Variants in ERC2 observed in about 807,000 individuals in gnomAD.
The protein encoded by ERC2 is ELKS/RAB6-interacting/CAST family member 2, also known as ERC protein 2.
Under a neutral mutation model 114.8 loss-of-function variants are expected in ERC2, and 42 were observed. The observed-to-expected ratio is 0.37, with a 90% confidence interval of 0.29 to 0.47. The LOEUF (loss-of-function observed/expected upper bound fraction) is 0.47. Ranked by LOEUF, ERC2 falls within the 20% of genes least tolerant of loss-of-function variation. ERC2 has a pLI of 0.99. For synonymous variants in ERC2, 454 were observed against 425.5 expected (o/e 1.07, Z -0.82); for missense variants, 939 against 1,150.7 (o/e 0.82, Z 2.66).
At chr3:56,277,947 G>A (rs775464002) in intron 3 of ERC2, among the ~76,000 whole-genome samples, 2 of 152,072 alleles carry the variant, frequency 1.3e-5, no homozygotes, top group African/African-American at 4.8e-5. Context: ...CAGGACTGTT[G>A]GCCCCCTGAC....
At chr3:55,806,371 AAAG>A (rs1383803869) in intron 14 of ERC2, among the ~76,000 whole-genome samples, 2 of 151,728 alleles carry the variant, frequency 1.3e-5, no homozygotes, top group East Asian at 1.9e-4. Context: ...GAAGAAGAAG[AAAG>A]AAGAAGAAGA....
chr3:56,400,868 T>G (rs2060493917), intron 2 of ERC2, among the ~76,000 whole-genome samples: 2 of 152,160 alleles, frequency 1.3e-5, no homozygotes, highest in Non-Finnish European at 2.9e-5. Context: ...TGTTCCAAAC[T>G]TCTTTTTAAA....
At chr3:55,564,976 G>A (rs748932538) in intron 17 of ERC2, among the ~76,000 whole-genome samples, 8 of 152,180 alleles carry the variant, frequency 5.3e-5, no homozygotes, top group Non-Finnish European at 8.8e-5. Flanking sequence ...ATATGTAAAC[G>A]AACGAGTGTG....
At chr3:56,027,623 G>T (rs2074124893) in intron 7 of ERC2, among the ~76,000 whole-genome samples, 1 of 152,066 alleles carries the variant, frequency 6.6e-6, no homozygotes, top group Admixed American at 6.6e-5. Flanking sequence ...GTCTCCTTCG[G>T]TAAAATGTCT....
In ERC2 at chr3:56,434,366, G is replaced by A; in HGVS notation, c.642C>T (p.Ser214=). Residue 214 remains serine, a synonymous_variant, in exon 2 of 18, where the codon TCC becomes TCT. Coordinates refer to ENST00000288221, the MANE Select transcript of ERC2 (RefSeq NM_015576.3). ...MSVLKEQMRV[S]HEENQHLQLT... ...CATGACCTACCTGATTTTCTTCATG[G>A]GAAACCCTCATCTGCTCCTTGAGGA... 1 of 1,613,348 alleles carries A rather than the reference G, an allele frequency of 6.2e-7. No individual in the cohort carries two copies. Among genetic ancestry groups the A allele is most frequent in the Non-Finnish European group, 8.5e-7 (1 of 1,179,702 alleles).
intron 17 of ERC2, among the ~76,000 whole-genome samples, chr3:55,639,986 G>A (rs1281686677): frequency 1.3e-5 from 2 of 152,140 alleles, no homozygotes; most frequent in Non-Finnish European, 2.9e-5. Context: ...CACAGGGCAG[G>A]AGCCCCAGGG....
intron 6 of ERC2, among the ~76,000 whole-genome samples, chr3:56,112,845 C>T (rs1216524685): frequency 6.6e-6 from 1 of 152,172 alleles, no homozygotes; most frequent in Non-Finnish European, 1.5e-5. Context: ...CCACACTCCT[C>T]TGATGCCTGC....
chr3:55,597,018 C>A (rs2058170090), intron 17 of ERC2, among the ~76,000 whole-genome samples: 2 of 152,128 alleles, frequency 1.3e-5, no homozygotes, highest in Admixed American at 1.3e-4. Flanking sequence ...TCTTCAAGTA[C>A]ATATGAAATA....
chr3:56,206,394 A>G (rs76500495), intron 3 of ERC2, among the ~76,000 whole-genome samples: 6 of 152,218 alleles, frequency 3.9e-5, no homozygotes, highest in Non-Finnish European at 7.3e-5. Context: ...TCATAAGTCA[A>G]CATATGAAAA....
intron 14 of ERC2, among the ~76,000 whole-genome samples, chr3:55,753,748 C>T (rs565744973): frequency 6.6e-6 from 1 of 152,302 alleles, no homozygotes; most frequent in Admixed American, 6.5e-5. Context: ...ATTGAGAGAT[C>T]TGACAATAAT....
At chr3:56,299,166 C>A (rs1282125907) in intron 2 of ERC2, among the ~76,000 whole-genome samples, 1 of 141,738 alleles carries the variant, frequency 7.1e-6, no homozygotes, top group Non-Finnish European at 1.5e-5. Context: ...CTCGTCCTGT[C>A]GCCCAGGCTG....
Position 56,382,438 on chromosome 3 carries a change from C to A in ERC2, c.657+51913G>T, listed in dbSNP as rs115853441. Reference sequence around the variant, plus strand: ...TAGAAAAAGGTGTCCAGGTTTATGGCCTCCAATCAGAATCAAACTTTCCCC... The same window carrying A: ...TAGAAAAAGGTGTCCAGGTTTATGGACTCCAATCAGAATCAAACTTTCCCC... On this transcript the variant is annotated intron_variant, in intron 2 of 17. Transcript: ENST00000288221. 2.3e-3 allele frequency among the ~76,000 whole-genome samples: 351 copies of A among 152,260 alleles called. 2 individuals are homozygous for A. The highest frequency in any genetic ancestry group is 8.0e-3 in the African/African-American group (334 of 41,552).
chr3:56,448,049 G>T (rs765627205), intron 1 of ERC2, among the ~76,000 whole-genome samples: 1 of 152,066 alleles, frequency 6.6e-6, no homozygotes, highest in South Asian at 2.1e-4. Flanking sequence ...AGCCTGCACC[G>T]GTTAATTTTT....
chr3:56,083,386 C>T (rs1341896812), intron 6 of ERC2, among the ~76,000 whole-genome samples: 1 of 151,902 alleles, frequency 6.6e-6, no homozygotes. Context: ...GCAACAGTTG[C>T]CTGGGGTGGA....
chr3:55,631,462 G>A (rs2059755740), intron 17 of ERC2, among the ~76,000 whole-genome samples: 2 of 152,116 alleles, frequency 1.3e-5, no homozygotes. Flanking sequence ...GAAAAATATT[G>A]CCTGACACCT....
chr3:55,807,849 T>A (rs1213946701), intron 14 of ERC2, among the ~76,000 whole-genome samples: 1 of 152,194 alleles, frequency 6.6e-6, no homozygotes, highest in Non-Finnish European at 1.5e-5. Flanking sequence ...TTTGGGCTTA[T>A]TTAGACTGTC....
intron 3 of ERC2, among the ~76,000 whole-genome samples, chr3:56,206,198 CACAT>C (rs796361311): frequency 2.2e-5 from 1 of 44,958 alleles, no homozygotes; most frequent in Non-Finnish European, 4.5e-5. Flanking sequence ...CACACACACA[CACAT>C]ACACACACAC....
At chr3:55,610,683 G>C (rs1242932206) in intron 17 of ERC2, 1 of 152,230 alleles carries the variant, frequency 6.6e-6, no homozygotes, top group Non-Finnish European at 1.5e-5. Flanking sequence ...CTCCAGCTTG[G>C]CCGACAGAAC....
chr3:56,032,917 A>AGAGAGACAGAC (rs1560056305), intron 7 of ERC2, among the ~76,000 whole-genome samples: 3 of 76,042 alleles, frequency 3.9e-5, no homozygotes, highest in South Asian at 5.4e-4. Context: ...GAAAGAAAGA[A>AGAGAGACAGAC]AGAAAGAAAG....
Sources: allele counts gnomAD v4.1 joint callset (sites outside exome capture counted in the v4.1 genomes callset), GRCh38; gene constraint gnomAD v4.1.1; transcripts MANE v1.5; gene names NCBI Gene and HGNC (gene_info 2026-07-23, HGNC 2026-07-21).